The following GRM5 variants were observed in gnomAD, a reference collection of about 807,000 sequenced individuals.
GRM5 encodes glutamate metabotropic receptor 5.
In GRM5, 19 loss-of-function variants were observed where a neutral mutation model predicts 83.1. That is an observed-to-expected ratio of 0.23 (90% CI 0.16 to 0.34). GRM5 has a LOEUF of 0.34. GRM5 is among the 10% of genes least tolerant of loss of function. GRM5 has a pLI of 1.00. For synonymous variants in GRM5, 675 were observed against 633.6 expected (o/e 1.07, Z -0.98); for missense variants, 1,160 against 1,588.3 (o/e 0.73, Z 4.58).
At position 88,888,626 on chromosome 11, in the gene GRM5, GT is replaced by G. The variant is rs1056780548; in HGVS notation, c.662-38472del. Among the ~76,000 whole-genome samples, 5 of 151,816 alleles carry G rather than the reference GT, an allele frequency of 3.3e-5. No homozygotes were observed. The East Asian group carries it at 7.7e-4, about 24-fold the overall frequency. On this transcript the variant is annotated intron_variant, in intron 2 of 9. Coordinates refer to ENST00000305447, the MANE Select transcript of GRM5 (RefSeq NM_001143831.3). ...ATGACATGCCGGCAAAAAGGTAAAA[GT>G]TTTTTTTTACTAGTTGGGTTTTTGG...
At chr11:88,963,636 T>C (rs922471082) in intron 2 of GRM5, among the ~76,000 whole-genome samples, 4 of 152,226 alleles carry the variant, frequency 2.6e-5, no homozygotes, top group Non-Finnish European at 1.5e-5. Context: ...CCGGTCAACC[T>C]CTTCTAGCTT....
intron 2 of GRM5, among the ~76,000 whole-genome samples, chr11:88,927,557 C>A (rs570623541): frequency 6.6e-5 from 10 of 152,126 alleles, no homozygotes; most frequent in African/African-American, 1.9e-4. Flanking sequence ...AATTTTTAGA[C>A]CATTGAACTT....
chr11:88,981,562 G>A (rs966987522), intron 2 of GRM5, among the ~76,000 whole-genome samples: 5 of 152,222 alleles, frequency 3.3e-5, no homozygotes, highest in African/African-American at 7.2e-5. Context: ...ACAGTCATTC[G>A]TTCTGGCTGA....
chr11:89,056,990 T>C (rs936983238), intron 1 of GRM5, among the ~76,000 whole-genome samples: 1 of 152,064 alleles, frequency 6.6e-6, no homozygotes, highest in African/African-American at 2.4e-5. Flanking sequence ...GAGATATTGA[T>C]GGATAAACTT....
chr11:88,861,699 T>G (rs1944566457), intron 2 of GRM5, among the ~76,000 whole-genome samples: 1 of 151,978 alleles, frequency 6.6e-6, no homozygotes, highest in African/African-American at 2.4e-5. Context: ...ACTCCTGGGC[T>G]CAAGCAATCC....
chr11:89,045,156 A>G (rs1045077188), intron 2 of GRM5, among the ~76,000 whole-genome samples: 5 of 152,212 alleles, frequency 3.3e-5, no homozygotes, highest in African/African-American at 1.2e-4. Flanking sequence ...TCCTGGTGGT[A>G]CAACCTAAAT....
intron 2 of GRM5, among the ~76,000 whole-genome samples, chr11:88,990,871 T>C (rs1430664063): frequency 6.6e-6 from 1 of 151,842 alleles, no homozygotes; most frequent in Non-Finnish European, 1.5e-5. Context: ...TTCAAAATAA[T>C]AAGAGCTATC....
At chr11:88,587,512 A>G (rs1006608576) in intron 7 of GRM5, among the ~76,000 whole-genome samples, 1 of 152,126 alleles carries the variant, frequency 6.6e-6, no homozygotes, top group African/African-American at 2.4e-5. Flanking sequence ...CTTGGAATAT[A>G]TCATACAGAG....
At chr11:88,776,215 G>C (rs557183449) in intron 3 of GRM5, among the ~76,000 whole-genome samples, 1 of 152,152 alleles carries the variant, frequency 6.6e-6, no homozygotes, top group South Asian at 2.1e-4. Context: ...TGTCTCCTTT[G>C]ATCTTTGTGG....
intron 2 of GRM5, among the ~76,000 whole-genome samples, chr11:88,865,505 G>T (rs910409043): frequency 1.7e-4 from 26 of 152,112 alleles, no homozygotes; most frequent in African/African-American, 5.8e-4. Flanking sequence ...CATGGGCAAA[G>T]ACTTCATGAC....
chr11:88,651,240 CA>C (rs1204226251), intron 4 of GRM5, among the ~76,000 whole-genome samples: 1 of 151,846 alleles, frequency 6.6e-6, no homozygotes, highest in African/African-American at 2.4e-5. Flanking sequence ...GTCAGAGAAA[CA>C]AATAACTATT....
At chr11:88,576,017 T>C (rs1314844087) in intron 7 of GRM5, among the ~76,000 whole-genome samples, 1 of 152,166 alleles carries the variant, frequency 6.6e-6, no homozygotes, top group Non-Finnish European at 1.5e-5. Context: ...TGCAGAGTAC[T>C]AAAGGGAAAT....
intron 3 of GRM5, among the ~76,000 whole-genome samples, chr11:88,836,529 G>A (rs1944098106): frequency 6.6e-6 from 1 of 152,184 alleles, no homozygotes; most frequent in African/African-American, 2.4e-5. Flanking sequence ...GCCAGGCGCG[G>A]TGGCTTATGC....
chr11:88,706,600 G>C (rs922069768), intron 3 of GRM5, among the ~76,000 whole-genome samples: 1 of 152,044 alleles, frequency 6.6e-6, no homozygotes, highest in South Asian at 2.1e-4. Flanking sequence ...TGTGATGATA[G>C]GTATGAACCT....
chr11:89,000,853 A>G (rs1221707332), intron 2 of GRM5, among the ~76,000 whole-genome samples: 1 of 152,100 alleles, frequency 6.6e-6, no homozygotes, highest in African/African-American at 2.4e-5. Flanking sequence ...CTTAAAACTC[A>G]ATGTTTAAAA....
At chr11:88,598,894 A>G (rs1318249384) in intron 5 of GRM5, among the ~76,000 whole-genome samples, 1 of 152,222 alleles carries the variant, frequency 6.6e-6, no homozygotes, top group African/African-American at 2.4e-5. Context: ...AAGTCTGAAA[A>G]GTTTAGTTCA....
At chr11:88,642,465 C>G (rs576304982) in intron 4 of GRM5, among the ~76,000 whole-genome samples, 2 of 152,152 alleles carry the variant, frequency 1.3e-5, no homozygotes, top group African/African-American at 4.8e-5. Flanking sequence ...CAAGTGGTTG[C>G]TCCACAGCCT....
intron 3 of GRM5, among the ~76,000 whole-genome samples, chr11:88,842,977 T>A (rs1366509691): frequency 6.6e-6 from 1 of 152,234 alleles, no homozygotes. Flanking sequence ...AAAGGTACTA[T>A]CATTCCTATT....
intron 3 of GRM5, among the ~76,000 whole-genome samples, chr11:88,688,007 C>G (rs954157677): frequency 6.6e-6 from 1 of 152,082 alleles, no homozygotes; most frequent in African/African-American, 2.4e-5. Context: ...CTTTCCTTCA[C>G]TACATGTATT....
Sources: gnomAD v4.1 joint callset for allele counts (sites outside exome capture counted in the v4.1 genomes callset) on GRCh38, gnomAD v4.1.1 for gene constraint, MANE v1.5 for transcripts, NCBI Gene and HGNC (gene_info 2026-07-23, HGNC 2026-07-21) for gene names.